The following SGMS1 variants were observed in gnomAD, a reference collection of about 807,000 sequenced individuals.
SGMS1 encodes phosphatidylcholine:ceramide cholinephosphotransferase 1.
A neutral mutation model predicts 46.2 loss-of-function variants in SGMS1; 13 were observed. The ratio of observed to expected loss-of-function variants is 0.28; its 90% CI spans 0.18 to 0.45. The LOEUF (loss-of-function observed/expected upper bound fraction) is 0.45. Ranked by LOEUF, SGMS1 falls within the 20% of genes least tolerant of loss-of-function variation. The pLI is 1.00. For missense variants in SGMS1, 324 were observed against 519.9 expected, an observed-to-expected ratio of 0.62 and a Z score of 3.66; for synonymous variants, 203 against 187.8, an observed-to-expected ratio of 1.08 and a Z score of -0.66.
Position 50,344,240 on chromosome 10 carries a change from G to T in SGMS1, c.-126C>A. 2 of 1,328,272 alleles carry T rather than the reference G, an allele frequency of 1.5e-6. No homozygotes were observed. Among genetic ancestry groups the T allele is most frequent in the Non-Finnish European group, 2.0e-6 (2 of 989,732 alleles). 82.3% of individuals were successfully genotyped at this position (1,328,272 alleles called of 1,614,324 possible). ...TGTGGGGCCTCATGAGCAGAGACTT[G>T]TTTGGCAAGATGGTCAGGGCAGTTT... On this transcript the variant is annotated 5_prime_UTR_variant, in exon 7 of 11. Transcript: ENST00000361781.
At chr10:50,321,437 G>A (rs1847441878) in intron 8 of SGMS1, among the ~76,000 whole-genome samples, 1 of 152,070 alleles carries the variant, frequency 6.6e-6, no homozygotes, top group South Asian at 2.1e-4. Flanking sequence ...TTAGAACATT[G>A]CTATCTTTAA....
chr10:50,384,461 C>T (rs1282461363), intron 6 of SGMS1, among the ~76,000 whole-genome samples: 1 of 148,574 alleles, frequency 6.7e-6, no homozygotes, highest in African/African-American at 2.5e-5. Flanking sequence ...TCTCTCCTTC[C>T]TTCCTTCCTT....
chr10:50,400,864 C>T (rs887612765), intron 6 of SGMS1, among the ~76,000 whole-genome samples: 1 of 152,096 alleles, frequency 6.6e-6, no homozygotes, highest in Non-Finnish European at 1.5e-5. Context: ...ACTGATGTAA[C>T]CAATTTCCCA....
At chr10:50,376,761 C>G (rs1257404426) in intron 6 of SGMS1, among the ~76,000 whole-genome samples, 1 of 152,142 alleles carries the variant, frequency 6.6e-6, no homozygotes, top group Non-Finnish European at 1.5e-5. Context: ...AGGACATGAA[C>G]TCATCTTTTC....
chr10:50,516,088 G>A (rs1837803723), intron 3 of SGMS1, among the ~76,000 whole-genome samples: 1 of 152,176 alleles, frequency 6.6e-6, no homozygotes, highest in South Asian at 2.1e-4. Context: ...ACACACACTT[G>A]TCAGATCTGT....
intron 6 of SGMS1, chr10:50,418,177 G>T (rs1362636604): frequency 1.3e-5 from 2 of 152,240 alleles, no homozygotes; most frequent in African/African-American, 4.8e-5. Context: ...GCGGAAAGGC[G>T]AGCGCGCTGA....
At chr10:50,544,338 C>T (rs937766293) in intron 2 of SGMS1, among the ~76,000 whole-genome samples, 3 of 152,164 alleles carry the variant, frequency 2.0e-5, no homozygotes, top group African/African-American at 4.8e-5. Context: ...CTTACAGACA[C>T]CATGACAAAT....
At chr10:50,319,718 G>T (rs1384188653) in intron 8 of SGMS1, among the ~76,000 whole-genome samples, 1 of 152,156 alleles carries the variant, frequency 6.6e-6, no homozygotes, top group Non-Finnish European at 1.5e-5. Context: ...CCGAGATGAT[G>T]CTGTATCCCT....
chr10:50,549,620 A>G (rs2860472), intron 2 of SGMS1, among the ~76,000 whole-genome samples: 2 of 151,914 alleles, frequency 1.3e-5, no homozygotes, highest in African/African-American at 4.8e-5. Context: ...TTGGGATGAT[A>G]CATGCAGCAA....
At chr10:50,542,647 G>GCA (rs10678352) in intron 2 of SGMS1, among the ~76,000 whole-genome samples, 148,075 of 148,632 alleles carry the variant, frequency 1, 73,764 homozygotes, top group East Asian at 1. Flanking sequence ...ACACACACAT[G>GCA]CACACACACA....
chr10:50,319,900 C>A (rs1423995924), intron 8 of SGMS1, among the ~76,000 whole-genome samples: 7 of 152,144 alleles, frequency 4.6e-5, no homozygotes, highest in Admixed American at 2.0e-4. Flanking sequence ...TGATCGCCAA[C>A]CTTTCACACA....
chr10:50,480,764 T>C (rs1014331490), intron 3 of SGMS1, among the ~76,000 whole-genome samples: 7 of 151,978 alleles, frequency 4.6e-5, no homozygotes, highest in African/African-American at 1.7e-4. Flanking sequence ...GATGACTGAG[T>C]TCCTGTCGGG....
intron 2 of SGMS1, among the ~76,000 whole-genome samples, chr10:50,555,978 A>C (rs1838186149): frequency 6.6e-6 from 1 of 152,186 alleles, no homozygotes; most frequent in Non-Finnish European, 1.5e-5. Context: ...CAGGCTAAAA[A>C]CAGGGAATAT....
At chr10:50,407,390 G>A (rs1003130793) in intron 6 of SGMS1, among the ~76,000 whole-genome samples, 10 of 152,208 alleles carry the variant, frequency 6.6e-5, no homozygotes, top group African/African-American at 2.4e-4. Context: ...TAGAAATTCT[G>A]TATTTCTACA....
At chr10:50,455,247 A>G (rs1453059554) in intron 5 of SGMS1, among the ~76,000 whole-genome samples, 2 of 152,224 alleles carry the variant, frequency 1.3e-5, no homozygotes, top group African/African-American at 4.8e-5. Context: ...AGCCATATAC[A>G]CAGTTCATAT....
chr10:50,594,287 A>G (rs1224735320), intron 1 of SGMS1, among the ~76,000 whole-genome samples: 3 of 152,256 alleles, frequency 2.0e-5, no homozygotes, highest in Non-Finnish European at 4.4e-5. Flanking sequence ...CACACTGCCC[A>G]TGGGTATAAG....
intron 2 of SGMS1, among the ~76,000 whole-genome samples, chr10:50,589,810 T>G (rs965392381): frequency 6.6e-6 from 1 of 152,178 alleles, no homozygotes; most frequent in Non-Finnish European, 1.5e-5. Context: ...CTATCAACAG[T>G]GAAGGGAGCA....
intron 3 of SGMS1, among the ~76,000 whole-genome samples, chr10:50,518,549 C>A (rs533515998): frequency 8.5e-5 from 13 of 152,248 alleles, no homozygotes; most frequent in Non-Finnish European, 1.3e-4. Flanking sequence ...GCTTCAGCCT[C>A]CCTAGTAGCT....
intron 6 of SGMS1, among the ~76,000 whole-genome samples, chr10:50,413,661 T>C (rs1294524965): frequency 6.6e-6 from 1 of 152,140 alleles, no homozygotes; most frequent in East Asian, 1.9e-4. Context: ...GCTGTGACAA[T>C]CAAAAACGTG....
Sources: allele counts gnomAD v4.1 joint callset (sites outside exome capture counted in the v4.1 genomes callset), GRCh38; gene constraint gnomAD v4.1.1; transcripts MANE v1.5; gene names NCBI Gene and HGNC (gene_info 2026-07-23, HGNC 2026-07-21).